ST3GAL3: variants seen among roughly 807,000 people sequenced by gnomAD.
The protein encoded by ST3GAL3 is ST3 beta-galactoside alpha-2,3-sialyltransferase 3, also known as CMP-N-acetylneuraminate-beta-1,4-galactoside alpha-2,3-sialyltransferase.
A neutral mutation model predicts 50.1 loss-of-function variants in ST3GAL3; 21 were observed. The ratio of observed to expected loss-of-function variants is 0.42; its 90% CI spans 0.30 to 0.60. The LOEUF is 0.60. Ranked by LOEUF, ST3GAL3 falls within the 20% of genes least tolerant of loss-of-function variation. ST3GAL3 has a pLI of 0.19. For missense variants in ST3GAL3, 353 were observed against 489.4 expected (o/e 0.72, Z 2.63); for synonymous variants, 183 against 190.0 (o/e 0.96, Z 0.30).
intron 5 of ST3GAL3, chr1:43,879,317 G>A: frequency 2.2e-6 from 1 of 456,204 alleles, no homozygotes; most frequent in Non-Finnish European, 4.4e-6. Flanking sequence ...CTGTGGTTTG[G>A]CTTTTTTTTG....
In ST3GAL3 at chr1:43,726,681, G is replaced by A. The variant is rs557181081; in HGVS notation, c.-30-9552G>A. 7.9e-5 allele frequency among the ~76,000 whole-genome samples: 12 copies of A among 152,212 alleles called. No individual in the cohort carries two copies. In the South Asian group the frequency reaches 1.2e-3, roughly 16 times the overall value. ...ACGATCTTGGCTCACTGCAGCCTCC[G>A]CCTGCCGAGTTCAAGCAATTCTTCT... On this transcript the variant is annotated intron_variant, in intron 1 of 11. Transcript: ENST00000347631.
At chr1:43,925,737 G>A (rs546992272) in intron 11 of ST3GAL3, among the ~76,000 whole-genome samples, 71 of 152,328 alleles carry the variant, frequency 4.7e-4, no homozygotes, top group South Asian at 4.6e-3. Context: ...TTGAATGCCG[G>A]GGATATGGAA....
chr1:43,730,526 T>C (rs1675165337), intron 1 of ST3GAL3, among the ~76,000 whole-genome samples: 1 of 85,706 alleles, frequency 1.2e-5, no homozygotes, highest in African/African-American at 3.6e-5. Flanking sequence ...AATACAAGTT[T>C]CTGATTTCTT....
intron 2 of ST3GAL3, among the ~76,000 whole-genome samples, chr1:43,746,006 A>G (rs762198137): frequency 3.9e-5 from 6 of 152,254 alleles, no homozygotes; most frequent in African/African-American, 1.4e-4. Context: ...TTCTAAATAC[A>G]CTCTATGATA....
chr1:43,771,489 C>G (rs949582867), intron 2 of ST3GAL3, among the ~76,000 whole-genome samples: 1 of 152,058 alleles, frequency 6.6e-6, no homozygotes, highest in African/African-American at 2.4e-5. Context: ...TCCGGAATAG[C>G]TGGGACTACA....
At chr1:43,870,201 A>T (rs2072330987) in intron 5 of ST3GAL3, among the ~76,000 whole-genome samples, 1 of 152,256 alleles carries the variant, frequency 6.6e-6, no homozygotes, top group Non-Finnish European at 1.5e-5. Context: ...CTTACTTCAA[A>T]TGAATTTTGT....
chr1:43,822,881 T>G (rs1232038692), intron 4 of ST3GAL3, among the ~76,000 whole-genome samples: 1 of 152,178 alleles, frequency 6.6e-6, no homozygotes, highest in East Asian at 1.9e-4. Context: ...ACACTTAACA[T>G]GTCCAGAACC....
intron 2 of ST3GAL3, among the ~76,000 whole-genome samples, chr1:43,744,128 T>C (rs1682405517): frequency 6.6e-6 from 1 of 152,218 alleles, no homozygotes; most frequent in Non-Finnish European, 1.5e-5. Flanking sequence ...GTTTTTTATT[T>C]ATCATCATAA....
At chr1:43,918,443 A>T (rs1053290817) in intron 9 of ST3GAL3, among the ~76,000 whole-genome samples, 9 of 152,024 alleles carry the variant, frequency 5.9e-5, no homozygotes, top group Admixed American at 1.3e-4. Context: ...TTGTTTTTTA[A>T]ACATTTACTT....
intron 2 of ST3GAL3, among the ~76,000 whole-genome samples, chr1:43,758,246 A>G (rs1688875676): frequency 6.7e-6 from 1 of 148,572 alleles, no homozygotes; most frequent in African/African-American, 2.4e-5. Flanking sequence ...ACTACCAGTT[A>G]GTAATTTAAA....
At chr1:43,858,469 G>T (rs1386990309) in intron 5 of ST3GAL3, among the ~76,000 whole-genome samples, 1 of 152,224 alleles carries the variant, frequency 6.6e-6, no homozygotes, top group African/African-American at 2.4e-5. Flanking sequence ...GGTATTTGAG[G>T]ATTGATCTTG....
At chr1:43,858,597 C>G (rs989333669) in intron 5 of ST3GAL3, among the ~76,000 whole-genome samples, 14 of 152,212 alleles carry the variant, frequency 9.2e-5, no homozygotes, top group African/African-American at 3.4e-4. Flanking sequence ...GGCCCTCCTC[C>G]TGAGCTGTGT....
intron 3 of ST3GAL3, among the ~76,000 whole-genome samples, chr1:43,794,663 C>A (rs1246267515): frequency 6.6e-6 from 1 of 152,036 alleles, no homozygotes; most frequent in East Asian, 1.9e-4. Flanking sequence ...TTGTCAAAAA[C>A]CAAAAACAAT....
intron 4 of ST3GAL3, chr1:43,819,295 G>A (rs2061788749): frequency 6.6e-6 from 1 of 152,178 alleles, no homozygotes; most frequent in South Asian, 2.1e-4. Context: ...GTTTTTCCAT[G>A]TTGGTCAGGC....
At chr1:43,856,729 T>A (rs1271655274) in intron 5 of ST3GAL3, among the ~76,000 whole-genome samples, 2 of 152,192 alleles carry the variant, frequency 1.3e-5, no homozygotes, top group Admixed American at 1.3e-4. Context: ...TTTTCATATA[T>A]TCCTTAGCGT....
rs757360932 is a variant in ST3GAL3 at position 43,894,291 on chromosome 1, C to T, written c.303-92C>T. On this transcript the variant is annotated intron_variant, in intron 5 of 11. Transcript: ENST00000347631. The stretch of plus-strand genomic sequence containing the variant: ...GCCGGAATGCAGAGGGGGCTTCCAG[C>T]AGATCCTTTGCCAAGACCGACGTAC... 9.5e-6 allele frequency: 12 copies of T among 1,260,274 alleles called. No homozygotes were observed. In the South Asian group the frequency reaches 1.4e-4, roughly 15 times the overall value. The allele number at this position is 1,260,274 out of a possible 1,614,324, so 78.1% of individuals were successfully genotyped here.
intron 7 of ST3GAL3, 175 bp from the exon 8 acceptor site, chr1:43,898,993 C>A: frequency 1.3e-6 from 1 of 765,552 alleles, no homozygotes; most frequent in Non-Finnish European, 2.1e-6. Context: ...CAGGGCCCAG[C>A]TACCCATTGT....
At chr1:43,918,703 T>C (rs1016147221) in intron 9 of ST3GAL3, among the ~76,000 whole-genome samples, 8 of 152,116 alleles carry the variant, frequency 5.3e-5, no homozygotes, top group Non-Finnish European at 7.3e-5. Context: ...TTTGGATGGG[T>C]TTTTAGAATC....
At chr1:43,727,906 G>A (rs1172059319) in intron 1 of ST3GAL3, among the ~76,000 whole-genome samples, 2 of 151,946 alleles carry the variant, frequency 1.3e-5, no homozygotes, top group Non-Finnish European at 2.9e-5. Context: ...AGTGATACAT[G>A]TTCAGGTTTG....
Sources: gnomAD v4.1 joint callset for allele counts (sites outside exome capture counted in the v4.1 genomes callset) on GRCh38, gnomAD v4.1.1 for gene constraint, MANE v1.5 for transcripts, NCBI Gene and HGNC (gene_info 2026-07-23, HGNC 2026-07-21) for gene names.